CYP1A1: variants seen among roughly 807,000 people sequenced by gnomAD.
CYP1A1 encodes cytochrome P450 family 1 subfamily A member 1, also known as cytochrome P450 1A1.
CYP1A1 carries 43 observed loss-of-function variants against 33.6 expected under a neutral mutation model. The observed-to-expected ratio is 1.28, with a 90% CI of 1.00 to 1.65. The LOEUF is 1.65. CYP1A1 is among the 40% of genes most tolerant of loss of function. The pLI is 0.00. For synonymous variants in CYP1A1, 280 were observed against 257.8 expected (o/e 1.09, Z -0.83); for missense variants, 637 against 653.7 (o/e 0.97, Z 0.28).
At position 74,721,734 on chromosome 15, in the gene CYP1A1, C is replaced by G; in HGVS notation, c.826-17G>C. On this transcript the variant is annotated splice_polypyrimidine_tract_variant and intron_variant, in intron 2 of 6. Transcript: ENST00000379727. ...GATGTGGCCCTTAGGTAGGGAAAGTCCACAGGTGAGCAAGATCTCAAACCC... is the reference window on the plus strand; with the variant it reads ...GATGTGGCCCTTAGGTAGGGAAAGTGCACAGGTGAGCAAGATCTCAAACCC... 6.2e-7 allele frequency: 1 copy of G among 1,612,400 alleles called. No individual in the cohort carries two copies. The highest frequency in any genetic ancestry group is 8.5e-7 in the Non-Finnish European group (1 of 1,179,314).
chr15:74,720,557 T>C lies in CYP1A1; in HGVS notation c.1471A>G (p.Thr491Ala), dbSNP rs1376199019. Residue 491 changes from threonine (T) to alanine (A), a missense_variant, in exon 7 of 7, where the codon ACC becomes GCC. By Grantham distance (58) the Thr-to-Ala change is moderately conservative (BLOSUM62 0). Transcript: ENST00000379727. ...SVPLGVKVDM[T>A]PIYGLTMKHA... is the part of the protein sequence containing the mutation. The stretch of plus-strand genomic sequence containing the variant: ...TTCATGGTTAGCCCATAGATGGGGG[T>C]CATGTCCACCTTCACGCCCAGTGGC... The C allele has an allele frequency of 2.5e-6, 4 of 1,611,112 alleles. No homozygotes were observed. Among genetic ancestry groups the C allele is most frequent in the Non-Finnish European group, 3.4e-6 (4 of 1,178,598 alleles).
At chr15:74,721,824 G>T in intron 2 of CYP1A1, 107 bp from the exon 3 acceptor site, 1 of 1,400,434 alleles carries the variant, frequency 7.1e-7, no homozygotes, top group Non-Finnish European at 9.7e-7. Flanking sequence ...TGGAGGTGAT[G>T]CCCCCTGAGG....
At position 74,720,593 on chromosome 15, in the gene CYP1A1, C is replaced by A; in HGVS notation, c.1435G>T (p.Glu479Ter). 1 of 1,614,000 alleles carries A rather than the reference C, an allele frequency of 6.2e-7. No homozygotes were observed. Among genetic ancestry groups the A allele is most frequent in the Non-Finnish European group, 8.5e-7 (1 of 1,179,934 alleles). ...TTCACGCCCAGTGGCACGCTGAATT[C>A]CACCCGTTGCAGCAGGATAGCCAGG... ...LFLAILLQRV[E>*]FSVPLGVKVD... Residue 479 changes from glutamate to a stop codon, truncating the protein, a stop_gained, in exon 7 of 7, where the codon GAA (glutamate) becomes TAA (stop). Coordinates refer to ENST00000379727, the MANE Select transcript of CYP1A1 (RefSeq NM_001319217.2). LOFTEE classifies it high-confidence loss of function.
At position 74,720,604 on chromosome 15, in the gene CYP1A1, A is replaced by G. The variant is rs1471673167; in HGVS notation, c.1424T>C (p.Leu475Pro). 1 of 1,614,162 alleles carries G rather than the reference A, an allele frequency of 6.2e-7. No homozygotes were observed. The highest frequency in any genetic ancestry group is 1.3e-5 in the African/African-American group (1 of 75,060). ...WEVFLFLAIL[L>P]QRVEFSVPLG... is the part of the protein sequence containing the mutation. ...TGGCACGCTGAATTCCACCCGTTGC[A>G]GCAGGATAGCCAGGAAGAGAAAGAC... Residue 475 changes from leucine to proline, a missense_variant, in exon 7 of 7, where the codon CTG (leucine) becomes CCG (proline). Physicochemically the swap from Leu to Pro is moderately conservative, Grantham distance 98 (BLOSUM62 -3). Coordinates refer to ENST00000379727, the MANE Select transcript of CYP1A1 (RefSeq NM_001319217.2).
In CYP1A1 at chr15:74,721,850, C is replaced by T. The variant is rs556258025; in HGVS notation, c.826-133G>A. The stretch of plus-strand genomic sequence containing the variant: ...CCCCCTGAGGCTGTTGTCCCAGCTT[C>T]TCTCTGCCTCTGCAAGGCTCTCTCC... On this transcript the variant is annotated intron_variant, in intron 2 of 6. Transcript: ENST00000379727. The T allele has an allele frequency of 6.9e-5, 80 of 1,165,230 alleles. 2 individuals carry two copies. The South Asian group carries it at 1.2e-3, about 17-fold the overall frequency. 72.2% of individuals were successfully genotyped at this position (1,165,230 alleles called of 1,614,324 possible). A position where few individuals can be genotyped will look rare whatever the true frequency, so the allele number is the denominator to read the frequency against.
intron 2 of CYP1A1, 89 bp from the exon 3 acceptor site, chr15:74,721,806 A>T: frequency 6.5e-7 from 1 of 1,529,402 alleles, no homozygotes; most frequent in Non-Finnish European, 8.8e-7. Context: ...TTCCTAGCAC[A>T]TTTGTTCTGG....
rs1275923224 is a variant in CYP1A1, at chr15:74,721,046, T to C, written c.1174A>G (p.Arg392Gly). ...VPFTIPHSTTRDTSLKGFYIP... is the reference protein window; with the variant it reads ...VPFTIPHSTTGDTSLKGFYIP... ...TAAAAGCCTTTCAAACTTGTGTCTC[T>C]TGTTGTGCTAGGGAGAAAGGAAGCT... The change falls in exon 6 of 7, where the codon AGA (arginine) becomes GGA (glycine). Residue 392 changes from arginine to glycine, a missense_variant. Coordinates refer to ENST00000379727, the MANE Select transcript of CYP1A1 (RefSeq NM_001319217.2). 1.2e-6 allele frequency: 2 copies of C among 1,613,916 alleles called. No homozygotes were observed. Among genetic ancestry groups the C allele is most frequent in the Non-Finnish European group, 1.7e-6 (2 of 1,179,988 alleles).
Position 74,721,377 on chromosome 15 carries a change from C to T in CYP1A1, c.1042+37G>A, listed in dbSNP as rs767911249. 4.3e-6 allele frequency: 7 copies of T among 1,614,024 alleles called. No homozygotes were observed. In the African/African-American group the frequency reaches 9.3e-5, roughly 22 times the overall value. On this transcript the variant is annotated intron_variant, in intron 4 of 6. Transcript: ENST00000379727. Reference sequence around the variant, plus strand: ...GGGGCTGCCTAGACCTGGCCAGACCCCTGGCACTGACCCCTTTGAAGGGAG... The same window carrying T: ...GGGGCTGCCTAGACCTGGCCAGACCTCTGGCACTGACCCCTTTGAAGGGAG...
At chr15:74,720,861 C>T (rs2063163156) in intron 6 of CYP1A1, 87 bp from the exon 7 acceptor site, 1 of 1,564,544 alleles carries the variant, frequency 6.4e-7, no homozygotes, top group Admixed American at 1.7e-5. Flanking sequence ...GGATAGAGGA[C>T]AGGCAAGCAG....
At chr15:74,721,358 G>T in intron 4 of CYP1A1, 36 bp from the exon 5 acceptor site, 6 of 1,613,960 alleles carry the variant, frequency 3.7e-6, no homozygotes, top group South Asian at 1.1e-5. Context: ...TGCAGGGGCT[G>T]CCTAGACCTG....
chr15:74,721,896 A>G (rs1362442896), intron 2 of CYP1A1, 179 bp from the exon 3 acceptor site: 36 of 717,874 alleles, frequency 5.0e-5, no homozygotes, highest in Non-Finnish European at 7.2e-5. Flanking sequence ...GAATGCTGCT[A>G]GCCCCAACTC....
chr15:74,723,649 G>T (rs34268526), intron 1 of CYP1A1, among the ~76,000 whole-genome samples: 2,260 of 152,114 alleles, frequency 0.015, 55 homozygotes, highest in African/African-American at 0.052. Context: ...ACATAATCAA[G>T]GTGTATCACC....
chr15:74,720,630 C>T lies in CYP1A1; in HGVS notation c.1398G>A (p.Glu466=). 2 of 1,614,198 alleles carry T rather than the reference C, an allele frequency of 1.2e-6. No homozygotes were observed. The highest frequency in any genetic ancestry group is 1.7e-4 in the Middle Eastern group (1 of 6,060). ...KCIGETIARW[E]VFLFLAILLQ... ...GCAGGATAGCCAGGAAGAGAAAGAC[C>T]TCCCAGCGGGCAATGGTCTCACCGA... is the stretch of plus-strand genomic sequence containing the variant. The change falls in exon 7 of 7, where the codon GAG becomes GAA. Residue 466 remains glutamate, a synonymous_variant. Coordinates refer to ENST00000379727, the MANE Select transcript of CYP1A1 (RefSeq NM_001319217.2).
In CYP1A1 at chr15:74,722,487, C is replaced by G. The variant is rs142255433; in HGVS notation, c.611G>C (p.Gly204Ala). ...VTNVICAICF[G>A]RRYDHNHQEL... The stretch of plus-strand genomic sequence containing the variant: ...TTGGTGGTTGTGGTCATAGCGCCGG[C>G]CAAAGCAAATGGCACAGATGACATT... The change falls in exon 2 of 7, where the codon GGC becomes GCC. Residue 204 changes from glycine (G) to alanine (A), a missense_variant. Coordinates refer to ENST00000379727, the MANE Select transcript of CYP1A1 (RefSeq NM_001319217.2). The G allele has an allele frequency of 6.2e-7, 1 of 1,613,936 alleles. No individual in the cohort carries two copies.
At position 74,722,510 on chromosome 15, in the gene CYP1A1, A is replaced by G. The variant is rs1382988114; in HGVS notation, c.588T>C (p.Asn196=). 17 of 1,614,034 alleles carry G rather than the reference A, an allele frequency of 1.1e-5. No homozygotes were observed. In the Admixed American group the frequency reaches 2.7e-4, roughly 25 times the overall value. The stretch of plus-strand genomic sequence containing the variant: ...GGCCAAAGCAAATGGCACAGATGAC[A>G]TTGGTCACTGATACCACCACATACC... ...PYRYVVVSVT[N]VICAICFGRR... Residue 196 remains asparagine, a synonymous_variant, in exon 2 of 7, where the codon AAT becomes AAC. Transcript: ENST00000379727.
In CYP1A1 at chr15:74,722,879, C is replaced by T. The variant is rs1596349211; in HGVS notation, c.219G>A (p.Val73=). 1 of 1,614,182 alleles carries T rather than the reference C, an allele frequency of 6.2e-7. No homozygotes were observed. The highest frequency in any genetic ancestry group is 8.5e-7 in the Non-Finnish European group (1 of 1,180,040). The change falls in exon 2 of 7, where the codon GTG becomes GTA. Residue 73 remains valine (V), a synonymous_variant. Coordinates refer to ENST00000379727, the MANE Select transcript of CYP1A1 (RefSeq NM_001319217.2). ...GTGTGGAGCCAATTCGGATCTGCAG[C>T]ACGTCCCCATACTGCTGGCTCATCC... ...LSRMSQQYGD[V]LQIRIGSTPV... is the part of the protein sequence containing the mutation.
Position 74,722,918 on chromosome 15 carries a change from G to A in CYP1A1, c.180C>T (p.His60=). 1 of 1,614,188 alleles carries A rather than the reference G, an allele frequency of 6.2e-7. No homozygotes were observed. Among genetic ancestry groups the A allele is most frequent in the Non-Finnish European group, 8.5e-7 (1 of 1,180,040 alleles). The change falls in exon 2 of 7, where the codon CAC becomes CAT. Residue 60 remains histidine (H), a synonymous_variant. Transcript: ENST00000379727. ...GHMLTLGKNP[H]LALSRMSQQY... ...GCTGGCTCATCCTTGACAGTGCCAG[G>A]TGCGGGTTCTTTCCCAGGGTCAGCA...
Position 74,722,614 on chromosome 15 carries a change from G to A in CYP1A1, c.484C>T (p.His162Tyr). The change falls in exon 2 of 7, where the codon CAT becomes TAT. Residue 162 changes from histidine (H) to tyrosine (Y), a missense_variant. By Grantham distance (83) the His-to-Tyr change is moderately conservative. Coordinates refer to ENST00000379727, the MANE Select transcript of CYP1A1 (RefSeq NM_001319217.2). ...ASSTSCYLEE[H>Y]VSKEAEVLIS... ...AGGACCTCAGCCTCCTTGCTCACATGCTCTTCCAGGTAGCAGGAGGTTGAG... is the reference window on the plus strand; with the variant it reads ...AGGACCTCAGCCTCCTTGCTCACATACTCTTCCAGGTAGCAGGAGGTTGAG... The A allele has an allele frequency of 6.2e-7, 1 of 1,614,128 alleles. No homozygotes were observed. The highest frequency in any genetic ancestry group is 1.1e-5 in the South Asian group (1 of 91,086).
At chr15:74,721,891 C>T in intron 2 of CYP1A1, 174 bp from the exon 3 acceptor site, 2 of 747,824 alleles carry the variant, frequency 2.7e-6, no homozygotes, top group East Asian at 2.7e-5. Flanking sequence ...CCTTAGAATG[C>T]TGCTAGCCCC....
Sources: gnomAD v4.1 joint callset for allele counts (sites outside exome capture counted in the v4.1 genomes callset) on GRCh38, gnomAD v4.1.1 for gene constraint, MANE v1.5 for transcripts, NCBI Gene and HGNC (gene_info 2026-07-23, HGNC 2026-07-21) for gene names.